The following ACBD5 variants were observed in gnomAD, a reference collection of about 807,000 sequenced individuals.
The protein encoded by ACBD5 is acyl-CoA binding domain containing 5.
A neutral mutation model predicts 71.8 loss-of-function variants in ACBD5; 40 were observed. The ratio of observed to expected loss-of-function variants is 0.56; its 90% CI spans 0.43 to 0.72. ACBD5 has a LOEUF of 0.72. Ranked by LOEUF, ACBD5 falls within the 30% of genes least tolerant of loss-of-function variation. The pLI is 0.00. For missense variants in ACBD5, 559 were observed against 644.5 expected, an observed-to-expected ratio of 0.87 and a Z score of 1.44; for synonymous variants, 229 against 218.6, an observed-to-expected ratio of 1.05 and a Z score of -0.42.
intron 12 of ACBD5, among the ~76,000 whole-genome samples, chr10:27,203,739 C>CA (rs1468531759): frequency 1.3e-5 from 2 of 150,576 alleles, no homozygotes; most frequent in Non-Finnish European, 3.0e-5. Context: ...AACTCTGTCT[C>CA]AAAAAAATAA....
intron 13 of ACBD5, among the ~76,000 whole-genome samples, chr10:27,189,327 T>TATAC (rs1341356117): frequency 6.6e-6 from 1 of 152,210 alleles, no homozygotes; most frequent in African/African-American, 2.4e-5. Flanking sequence ...CGGCCAGCTA[T>TATAC]ATACAGTTTG....
chr10:27,220,506 T>C (rs1321827138), intron 5 of ACBD5: 1 of 152,240 alleles, frequency 6.6e-6, no homozygotes, highest in African/African-American at 2.4e-5. Context: ...TCTAGGGTGA[T>C]CTAAGATTCC....
At chr10:27,220,618 C>T (rs2062211884) in intron 5 of ACBD5, among the ~76,000 whole-genome samples, 1 of 151,998 alleles carries the variant, frequency 6.6e-6, no homozygotes, top group Non-Finnish European at 1.5e-5. Context: ...AACAATACTC[C>T]CCAAAATGAT....
Position 27,219,845 on chromosome 10 carries a change from A to C in ACBD5, c.503T>G (p.Val168Gly). The change falls in exon 6 of 13, where the codon GTT becomes GGT. Residue 168 changes from valine to glycine, a missense_variant. Transcript: ENST00000396271. ...SSDITSDLGN[V>G]LTSTPNAKTV... ...TTTGGCGTTTGGAGTAGAAGTGAGAACATTACCAAGATCTAAAACATGAAA... is the reference window on the plus strand; with the variant it reads ...TTTGGCGTTTGGAGTAGAAGTGAGACCATTACCAAGATCTAAAACATGAAA... The C allele has an allele frequency of 6.2e-7, 1 of 1,613,982 alleles. No individual in the cohort carries two copies. Among genetic ancestry groups the C allele is most frequent in the Non-Finnish European group, 8.5e-7 (1 of 1,179,934 alleles).
intron 8 of ACBD5, 100 bp from the exon 9 acceptor site, chr10:27,211,181 TC>T (rs2061039940): frequency 1.6e-6 from 2 of 1,212,962 alleles, no homozygotes; most frequent in African/African-American, 3.0e-5. Flanking sequence ...CCTAAAATGT[TC>T]TTTCATGTTA....
intron 7 of ACBD5, among the ~76,000 whole-genome samples, chr10:27,217,317 A>G (rs1414325436): frequency 1.3e-5 from 2 of 151,538 alleles, no homozygotes; most frequent in African/African-American, 4.9e-5. Flanking sequence ...TTAGCTGGGC[A>G]TGGTGGCACG....
chr10:27,186,623 G>C, intron 13 of ACBD5: 1 of 1,192,684 alleles, frequency 8.4e-7, no homozygotes. Context: ...TGATCTAAGG[G>C]GGAAAGATCA....
chr10:27,216,450 A>G (rs766908093), intron 7 of ACBD5, among the ~76,000 whole-genome samples: 4 of 151,674 alleles, frequency 2.6e-5, no homozygotes, highest in Non-Finnish European at 4.4e-5. Flanking sequence ...CAACTTTTGT[A>G]TTTTTAGTAG....
At chr10:27,240,865 CGCA>C (rs1210484594), upstream of ACBD5, 1 of 935,402 alleles carries the variant, frequency 1.1e-6, no homozygotes, top group Admixed American at 2.3e-5. The surrounding 1 kb of genome is among the most constrained non-coding windows in gnomAD (Gnocchi z 4.1). Context: ...CCGCCGCCGC[CGCA>C]GCAGCAGTGC....
downstream of ACBD5, among the ~76,000 whole-genome samples, chr10:27,195,010 C>G (rs1480834577): frequency 6.6e-6 from 1 of 151,964 alleles, no homozygotes; most frequent in Non-Finnish European, 1.5e-5. Context: ...AAAGTAAAAC[C>G]AAGAATCTGA....
In ACBD5 at chr10:27,208,286, A is replaced by G. The variant is rs1564592050; in HGVS notation, c.1364T>C (p.Leu455Pro). ...MRLQEDMQNV[L>P]QRLQKLETLT... ...CGTTTCCAGTTTCTGCAGTCTCTGAAGGACATTCTGCATGTCCTCCTGCAG... is the reference window on the plus strand; with the variant it reads ...CGTTTCCAGTTTCTGCAGTCTCTGAGGGACATTCTGCATGTCCTCCTGCAG... Residue 455 changes from leucine to proline, a missense_variant, in exon 10 of 13, where the codon CTT becomes CCT. Transcript: ENST00000396271. 6.2e-7 allele frequency: 1 copy of G among 1,614,188 alleles called. No individual in the cohort carries two copies.
downstream of ACBD5, among the ~76,000 whole-genome samples, chr10:27,194,745 C>T (rs943920187): frequency 9.9e-5 from 15 of 152,024 alleles, no homozygotes; most frequent in African/African-American, 3.4e-4. Context: ...CGCCTGTCAT[C>T]CCAGCACTTT....
intron 13 of ACBD5, chr10:27,186,519 T>G (rs1349963205): frequency 6.2e-7 from 1 of 1,614,032 alleles, no homozygotes; most frequent in Admixed American, 1.7e-5. Context: ...CCTGACTGTA[T>G]CTGGATTTAG....
At chr10:27,238,046 C>G (rs1032631925) in intron 2 of ACBD5, among the ~76,000 whole-genome samples, 1 of 151,826 alleles carries the variant, frequency 6.6e-6, no homozygotes, top group Non-Finnish European at 1.5e-5. Context: ...CCCGGGTTCA[C>G]GCCATTCTCC....
chr10:27,224,710 T>G (rs1455107820), intron 4 of ACBD5, among the ~76,000 whole-genome samples: 4 of 152,220 alleles, frequency 2.6e-5, no homozygotes, highest in African/African-American at 4.8e-5. Context: ...AAGTCAGCTC[T>G]GTGTGTGCCA....
At chr10:27,190,055 C>T (rs1024389846) in intron 13 of ACBD5, among the ~76,000 whole-genome samples, 1 of 152,038 alleles carries the variant, frequency 6.6e-6, no homozygotes, top group Non-Finnish European at 1.5e-5. Flanking sequence ...GAGGCTGAGA[C>T]GAGTGGATCA....
chr10:27,228,811 ATATATTTTTT>A (rs1202268007), intron 4 of ACBD5, among the ~76,000 whole-genome samples: 39 of 15,884 alleles, frequency 2.5e-3, no homozygotes, highest in East Asian at 4.9e-3. Flanking sequence ...ATATATATAT[ATATATTTTTT>A]TTTTTTTTTT....
At chr10:27,226,866 C>T (rs200377958) in intron 4 of ACBD5, among the ~76,000 whole-genome samples, 2 of 151,800 alleles carry the variant, frequency 1.3e-5, no homozygotes. Context: ...GTTACCCAGG[C>T]TGGTGTGGAA....
intron 13 of ACBD5, among the ~76,000 whole-genome samples, chr10:27,188,926 A>G (rs777199316): frequency 6.6e-6 from 1 of 152,204 alleles, no homozygotes; most frequent in African/African-American, 2.4e-5. Context: ...AGAACATATC[A>G]TCCTAAAATG....
Sources: allele counts gnomAD v4.1 joint callset (sites outside exome capture counted in the v4.1 genomes callset), GRCh38; gene constraint gnomAD v4.1.1; non-coding constraint Gnocchi (gnomAD v3.1); transcripts MANE v1.5; gene names NCBI Gene and HGNC (gene_info 2026-07-23, HGNC 2026-07-21).